Variants in PDE10A observed in about 807,000 individuals in gnomAD.
PDE10A encodes the protein cAMP and cAMP-inhibited cGMP 3',5'-cyclic phosphodiesterase 10A.
A neutral mutation model predicts 97.7 loss-of-function variants in PDE10A; 39 were observed. That is an observed-to-expected ratio of 0.40 (90% confidence interval 0.31 to 0.52). The LOEUF is 0.52. Among genes scored for constraint, PDE10A ranks in the 20% least tolerant of loss-of-function variants. The pLI is 0.56. For synonymous variants in PDE10A, 371 were observed against 376.8 expected, an observed-to-expected ratio of 0.98 and a Z score of 0.18; for missense variants, 731 against 1,047.8, an observed-to-expected ratio of 0.70 and a Z score of 4.17.
rs1785457135 is a variant in PDE10A, at chr6:165,388,523, A to G, written c.2455-70T>C. On this transcript the variant is annotated intron_variant, in intron 16 of 21. Transcript: ENST00000539869. This position sits in a 1 kb window ranked among gnomAD's most constrained non-coding sequence, Gnocchi z 4.0. ...ACACATGAGCAGACTTACCGCTTAC[A>G]TTCATGTCACATTACTTTCTGGCAT... is the stretch of plus-strand genomic sequence containing the variant. 7.3e-7 allele frequency: 1 copy of G among 1,374,816 alleles called. No individual in the cohort carries two copies. The highest frequency in any genetic ancestry group is 1.0e-6 in the Non-Finnish European group (1 of 970,160). 85.2% of individuals were successfully genotyped at this position (1,374,816 alleles called of 1,614,324 possible).
chr6:165,764,878 C>T (rs1213685275), intron 1 of PDE10A, among the ~76,000 whole-genome samples: 1 of 152,158 alleles, frequency 6.6e-6, no homozygotes, highest in Non-Finnish European at 1.5e-5. Flanking sequence ...CTTATCTGGC[C>T]CCACCCACGT....
rs1259877787 is a variant in PDE10A, at chr6:165,671,678, GA to G, written c.-614-128111del. ...CACACACATGGATTATAAAACGGAT[GA>G]AAAGCAGCTAGATATCACACACACA... On this transcript the variant is annotated intron_variant, in intron 1 of 19. Coordinates refer to the PDE10A transcript ENST00000366882. The surrounding 1 kb of genome is among the most constrained non-coding windows in gnomAD (Gnocchi z 4.6). Among the ~76,000 whole-genome samples, 2 of 151,778 alleles carry G rather than the reference GA, an allele frequency of 1.3e-5. No individual in the cohort carries two copies. The highest frequency in any genetic ancestry group is 2.9e-5 in the Non-Finnish European group (2 of 68,012).
chr6:165,727,381 T>C (rs1393104959), intron 1 of PDE10A, among the ~76,000 whole-genome samples: 2 of 152,164 alleles, frequency 1.3e-5, no homozygotes, highest in East Asian at 3.8e-4. Context: ...CCCTGCACGG[T>C]GTGGAAGCTG....
intron 1 of PDE10A, among the ~76,000 whole-genome samples, chr6:165,731,119 C>T (rs763589935): frequency 1.3e-5 from 2 of 152,220 alleles, no homozygotes; most frequent in Admixed American, 6.5e-5. Context: ...GGAACCCTGC[C>T]GCATCCCAGA....
chr6:165,766,620 G>A (rs1777858041), intron 1 of PDE10A, among the ~76,000 whole-genome samples: 1 of 152,154 alleles, frequency 6.6e-6, no homozygotes, highest in South Asian at 2.1e-4. Flanking sequence ...TTGTTTATTA[G>A]TTATGTGGAA....
chr6:165,947,818 C>T (rs1783823115), intron 1 of PDE10A, among the ~76,000 whole-genome samples: 1 of 152,140 alleles, frequency 6.6e-6, no homozygotes, highest in African/African-American at 2.4e-5. Context: ...TGGCTGCTTC[C>T]TTGCTTCCTG....
chr6:165,931,733 T>G (rs1783141759), intron 1 of PDE10A, among the ~76,000 whole-genome samples: 1 of 152,142 alleles, frequency 6.6e-6, no homozygotes, highest in Non-Finnish European at 1.5e-5. Context: ...ATGGCTGTAT[T>G]GTAAAGAAAC....
chr6:165,585,029 T>C (rs1785826854), intron 1 of PDE10A, among the ~76,000 whole-genome samples: 1 of 152,260 alleles, frequency 6.6e-6, no homozygotes, highest in African/African-American at 2.4e-5. Flanking sequence ...CAAGAATCTT[T>C]GCATTCTTCC....
intron 3 of PDE10A, among the ~76,000 whole-genome samples, chr6:165,452,901 G>GAA (rs200980084): frequency 3.7e-4 from 52 of 140,708 alleles, no homozygotes; most frequent in Middle Eastern, 3.7e-3. Context: ...TGAGGGTTTA[G>GAA]AAAAAAAAAA....
chr6:165,638,779 A>T (rs1162679449), intron 1 of PDE10A, among the ~76,000 whole-genome samples: 2 of 152,226 alleles, frequency 1.3e-5, no homozygotes, highest in African/African-American at 4.8e-5. Context: ...CTACCTAGCA[A>T]TCTAAAATAG....
At chr6:165,783,021 C>A (rs943447759) in intron 1 of PDE10A, among the ~76,000 whole-genome samples, 14 of 148,652 alleles carry the variant, frequency 9.4e-5, no homozygotes, top group African/African-American at 3.5e-4. Context: ...ACATACACTT[C>A]CTCGCTTATA....
At chr6:165,857,693 A>G (rs1279423941) in intron 1 of PDE10A, among the ~76,000 whole-genome samples, 2 of 141,508 alleles carry the variant, frequency 1.4e-5, no homozygotes, top group African/African-American at 5.4e-5. Flanking sequence ...TGATTTCAAC[A>G]GTTCCGTGTG....
At chr6:165,965,721 C>A (rs1316450300) in intron 1 of PDE10A, among the ~76,000 whole-genome samples, 1 of 152,148 alleles carries the variant, frequency 6.6e-6, no homozygotes, top group South Asian at 2.1e-4. Context: ...TGGGCCTATG[C>A]GAGTCTGAGT....
At chr6:165,556,509 T>A (rs1784263320) in intron 1 of PDE10A, among the ~76,000 whole-genome samples, 1 of 152,178 alleles carries the variant, frequency 6.6e-6, no homozygotes, top group Non-Finnish European at 1.5e-5. Context: ...GGGACAATAG[T>A]CATTAACTTT....
chr6:165,707,784 T>A (rs1265793794), intron 1 of PDE10A, among the ~76,000 whole-genome samples: 1 of 152,044 alleles, frequency 6.6e-6, no homozygotes, highest in Admixed American at 6.6e-5. Context: ...TGTGTGAGAT[T>A]GTGTTTATGT....
At chr6:165,633,365 A>G (rs1279202179) in intron 1 of PDE10A, among the ~76,000 whole-genome samples, 1 of 152,220 alleles carries the variant, frequency 6.6e-6, no homozygotes, top group Non-Finnish European at 1.5e-5. Flanking sequence ...GGCCACTTTA[A>G]GTGATCTCTA....
intron 1 of PDE10A, among the ~76,000 whole-genome samples, chr6:165,926,515 A>G (rs549491136): frequency 4.6e-5 from 7 of 152,362 alleles, no homozygotes; most frequent in African/African-American, 1.7e-4. Flanking sequence ...AAAGACTTAG[A>G]GTTTACAGTT....
At chr6:165,580,722 G>A (rs1455445153) in intron 1 of PDE10A, among the ~76,000 whole-genome samples, 1 of 151,958 alleles carries the variant, frequency 6.6e-6, no homozygotes, top group Non-Finnish European at 1.5e-5. Flanking sequence ...AAGATGGTAA[G>A]TGTCCTACCC....
chr6:165,631,576 T>A (rs574691530), intron 1 of PDE10A, among the ~76,000 whole-genome samples: 1 of 152,352 alleles, frequency 6.6e-6, no homozygotes, highest in South Asian at 2.1e-4. Flanking sequence ...TTCAGTAAAA[T>A]TAGTATGTCA....
Sources: allele counts gnomAD v4.1 joint callset (sites outside exome capture counted in the v4.1 genomes callset), GRCh38; gene constraint gnomAD v4.1.1; non-coding constraint Gnocchi (gnomAD v3.1); transcripts MANE v1.5; gene names NCBI Gene and HGNC (gene_info 2026-07-23, HGNC 2026-07-21).